SLC4A4: variants seen among roughly 807,000 people sequenced by gnomAD.
SLC4A4 encodes the protein solute carrier family 4 member 4, also known as electrogenic sodium bicarbonate cotransporter 1.
A neutral mutation model predicts 111.5 loss-of-function variants in SLC4A4; 27 were observed. The observed-to-expected ratio is 0.24, with a 90% CI of 0.18 to 0.33. The LOEUF (loss-of-function observed/expected upper bound fraction) is 0.33, where lower values mean the gene tolerates loss of function less well. Ranked by LOEUF, SLC4A4 falls within the 10% of genes least tolerant of loss-of-function variation. The pLI is 1.00. For missense variants in SLC4A4, 909 were observed against 1,315.5 expected (o/e 0.69, Z 4.78); for synonymous variants, 443 against 463.4 (o/e 0.96, Z 0.57).
At chr4:71,293,330 G>C (rs369908264) in intron 3 of SLC4A4, among the ~76,000 whole-genome samples, 1 of 151,442 alleles carries the variant, frequency 6.6e-6, no homozygotes, top group South Asian at 2.1e-4. Context: ...TTGGGAAGCC[G>C]AGCCAGGTGG....
chr4:71,536,467 T>TATATATATAG (rs1734461851), intron 18 of SLC4A4, among the ~76,000 whole-genome samples: 1 of 66,484 alleles, frequency 1.5e-5, no homozygotes, highest in Non-Finnish European at 3.2e-5. Context: ...CATATATACA[T>TATATATATAG]ATATATATAT....
chr4:71,245,214 A>T (rs1229961859), intron 2 of SLC4A4, among the ~76,000 whole-genome samples: 2 of 152,190 alleles, frequency 1.3e-5, no homozygotes, highest in African/African-American at 4.8e-5. Flanking sequence ...TAGGACCCAG[A>T]TAACTCAAGG....
rs1198203959 is a variant in SLC4A4, at chr4:71,372,190, GT to G, written c.730+15005del. ...ACTACCTTTAAAAGCTTCATTTAAA[GT>G]TCCTTTTAAGGAGTAAGCTCTCATC... On this transcript the variant is annotated intron_variant, in intron 6 of 25. Coordinates refer to ENST00000264485, the MANE Select transcript of SLC4A4 (RefSeq NM_001098484.3). Among the ~76,000 whole-genome samples, 3 of 152,148 alleles carry G rather than the reference GT, an allele frequency of 2.0e-5. 1 individual carries two copies. The highest frequency in any genetic ancestry group is 4.1e-4 in the South Asian group (2 of 4,824).
At position 71,472,819 on chromosome 4, in the gene SLC4A4, G is replaced by A. The variant is rs747153129; in HGVS notation, c.1752G>A (p.Thr584=). Residue 584 remains threonine, a synonymous_variant, in exon 14 of 26, where the codon ACG becomes ACA. Transcript: ENST00000264485. ...TGGTTCAATACTTCACACGTTTCAC[G>A]GAGGAGGGCTTTTCCTCTCTGATTA... ...SFLVQYFTRF[T]EEGFSSLISF... 15 of 1,612,734 alleles carry A rather than the reference G, an allele frequency of 9.3e-6. No individual in the cohort carries two copies. The highest frequency in any genetic ancestry group is 2.2e-5 in the East Asian group (1 of 44,786).
At chr4:71,299,792 A>AATGTC (rs1725076874) in intron 3 of SLC4A4, among the ~76,000 whole-genome samples, 1 of 152,094 alleles carries the variant, frequency 6.6e-6, no homozygotes, top group African/African-American at 2.4e-5. Context: ...TGGGAGGTTG[A>AATGTC]ATGTCCCTTA....
At chr4:71,237,810 A>G (rs1384158526) in intron 2 of SLC4A4, among the ~76,000 whole-genome samples, 2 of 152,142 alleles carry the variant, frequency 1.3e-5, no homozygotes, top group East Asian at 3.9e-4. Context: ...AACTTCCCGC[A>G]TTTATGCTCT....
intron 12 of SLC4A4, among the ~76,000 whole-genome samples, chr4:71,460,326 A>T (rs1054893058): frequency 6.6e-6 from 1 of 152,060 alleles, no homozygotes; most frequent in African/African-American, 2.4e-5. Context: ...GTGTAAGGTT[A>T]TACTGGCCTA....
At chr4:71,404,231 G>T (rs1720633432) in intron 7 of SLC4A4, among the ~76,000 whole-genome samples, 1 of 152,100 alleles carries the variant, frequency 6.6e-6, no homozygotes, top group African/African-American at 2.4e-5. Context: ...ATGCCAACTG[G>T]CTAATGACAC....
intron 6 of SLC4A4, among the ~76,000 whole-genome samples, chr4:71,376,609 AAT>A (rs1282297914): frequency 6.7e-6 from 1 of 148,202 alleles, no homozygotes; most frequent in African/African-American, 2.5e-5. Context: ...ATATGTTTAA[AAT>A]ATATATACAT....
In SLC4A4 at chr4:71,440,621, G is replaced by T. The variant is rs1724630446; in HGVS notation, c.813G>T (p.Lys271Asn). The change falls in exon 8 of 26, where the codon AAG (lysine) becomes AAT (asparagine). Residue 271 changes from lysine to asparagine, a missense_variant. Lys to Asn is a moderately conservative substitution (Grantham distance 94). Coordinates refer to ENST00000264485, the MANE Select transcript of SLC4A4 (RefSeq NM_001098484.3). Reference sequence around the variant, plus strand: ...CCTTGGTTCTTCTCATGCAGCTGAAGAATAAGTTCATGAAAAAATTGCCAC... The same window carrying T: ...CCTTGGTTCTTCTCATGCAGCTGAATAATAAGTTCATGAAAAAATTGCCAC... The part of the protein sequence containing the change: ...ISDKPEKDQL[K>N]NKFMKKLPRD... 11 of 1,614,112 alleles carry T rather than the reference G, an allele frequency of 6.8e-6. No homozygotes were observed. The highest frequency in any genetic ancestry group is 9.3e-6 in the Non-Finnish European group (11 of 1,179,988).
chr4:71,112,115 G>C (rs936151413), intron 2 of SLC4A4, among the ~76,000 whole-genome samples: 1 of 152,200 alleles, frequency 6.6e-6, no homozygotes, highest in Non-Finnish European at 1.5e-5. Flanking sequence ...GCATAGGCAA[G>C]TTTTGGCTAT....
chr4:71,084,579 G>A (rs565204639), intron 1 of SLC4A4, among the ~76,000 whole-genome samples: 11 of 151,766 alleles, frequency 7.2e-5, no homozygotes, highest in Non-Finnish European at 1.0e-4. Flanking sequence ...AACAGGCCCC[G>A]GTGTGTGATG....
At chr4:71,527,753 G>A (rs1319382816) in intron 16 of SLC4A4, among the ~76,000 whole-genome samples, 1 of 151,786 alleles carries the variant, frequency 6.6e-6, no homozygotes, top group Non-Finnish European at 1.5e-5. Flanking sequence ...TCTTCCTTCA[G>A]TATATATAAA....
At chr4:71,251,689 C>T (rs1431182532) in intron 2 of SLC4A4, among the ~76,000 whole-genome samples, 2 of 152,170 alleles carry the variant, frequency 1.3e-5, no homozygotes, top group East Asian at 3.9e-4. Flanking sequence ...AGTTTTACTT[C>T]ATGAAGTTTC....
Position 71,089,680 on chromosome 4 carries a change from T to G in SLC4A4, c.-64-3050T>G, listed in dbSNP as rs769674510. ...AGGTCCAATACAGACCCTGTTTGCC[T>G]AGGTATCTGCAGCGGAGGCTGCAGA... On this transcript the variant is annotated intron_variant, in intron 1 of 26. Coordinates refer to the SLC4A4 transcript ENST00000649996. 8.9e-4 allele frequency among the ~76,000 whole-genome samples: 135 copies of G among 152,138 alleles called. 3 individuals are homozygous for G. The highest frequency in any genetic ancestry group is 3.4e-3 in the Middle Eastern group (1 of 294).
intron 5 of SLC4A4, among the ~76,000 whole-genome samples, chr4:71,352,190 T>C (rs762186339): frequency 2.0e-4 from 30 of 152,340 alleles, no homozygotes; most frequent in Admixed American, 5.9e-4. Context: ...AATTGTAATT[T>C]CTGCATTCTC....
At chr4:71,500,961 A>G (rs1287622318) in intron 16 of SLC4A4, among the ~76,000 whole-genome samples, 1 of 152,146 alleles carries the variant, frequency 6.6e-6, no homozygotes, top group Non-Finnish European at 1.5e-5. Flanking sequence ...TTTGATACAA[A>G]TTTTAGGATT....
chr4:71,258,828 G>A (rs1721644068), intron 3 of SLC4A4, among the ~76,000 whole-genome samples: 1 of 152,144 alleles, frequency 6.6e-6, no homozygotes, highest in Non-Finnish European at 1.5e-5. Flanking sequence ...TTTGGTCTGG[G>A]TAGGTAACTC....
upstream of SLC4A4, among the ~76,000 whole-genome samples, chr4:71,183,492 G>C (rs141303758): frequency 6.6e-6 from 1 of 152,292 alleles, no homozygotes; most frequent in East Asian, 1.9e-4. Flanking sequence ...TTAGTTGAAT[G>C]TATTCAAGAA....
Sources: allele counts gnomAD v4.1 joint callset (sites outside exome capture counted in the v4.1 genomes callset), GRCh38; gene constraint gnomAD v4.1.1; transcripts MANE v1.5; gene names NCBI Gene and HGNC (gene_info 2026-07-23, HGNC 2026-07-21).